TFDP1: variants seen among roughly 807,000 people sequenced by gnomAD.
The protein encoded by TFDP1 is DRTF1-polypeptide 1.
In TFDP1, 6 loss-of-function variants were observed where a neutral mutation model predicts 48.0. That is an observed-to-expected ratio of 0.13 (90% CI 0.07 to 0.25). The LOEUF (loss-of-function observed/expected upper bound fraction) is 0.25, where lower values mean the gene tolerates loss of function less well. Ranked by LOEUF, TFDP1 falls within the 10% of genes least tolerant of loss-of-function variation. The pLI is 1.00. For missense variants in TFDP1, 335 were observed against 543.0 expected, an observed-to-expected ratio of 0.62 and a Z score of 3.81; for synonymous variants, 201 against 211.6, an observed-to-expected ratio of 0.95 and a Z score of 0.44.
rs145721433 is a variant in TFDP1 at position 113,623,058 on chromosome 13, A to G, written c.80-122A>G. On this transcript the variant is annotated intron_variant, in intron 3 of 11. Transcript: ENST00000375370. The surrounding 1 kb of genome is among the most constrained non-coding windows in gnomAD (Gnocchi z 5.2). ...TGCTCTTGAGCCCTGGATTTGAGACAGTACACGTGGGGAAAGCTAAGCATC... is the reference window on the plus strand; with the variant it reads ...TGCTCTTGAGCCCTGGATTTGAGACGGTACACGTGGGGAAAGCTAAGCATC... 1.2e-6 allele frequency: 1 copy of G among 803,834 alleles called. No homozygotes were observed. The highest frequency in any genetic ancestry group is 2.0e-6 in the Non-Finnish European group (1 of 498,208). 49.8% of individuals were successfully genotyped at this position (803,834 alleles called of 1,614,324 possible). A position where few individuals can be genotyped will look rare whatever the true frequency, so the allele number is the denominator to read the frequency against.
At chr13:113,634,371 C>G in intron 7 of TFDP1, 163 bp from the exon 8 acceptor site, 1 of 670,276 alleles carries the variant, frequency 1.5e-6, no homozygotes, top group Non-Finnish European at 2.6e-6. Flanking sequence ...AAAAAACTCA[C>G]CTATATCTTG....
chr13:113,613,034 G>T (rs57607936), intron 3 of TFDP1, among the ~76,000 whole-genome samples: 65,190 of 151,258 alleles, frequency 0.43, 14,799 homozygotes, highest in African/African-American at 0.57. Context: ...TTGTTGTTTT[G>T]GAGATGGAGT....
chr13:113,613,001 C>T (rs962057591), intron 3 of TFDP1, among the ~76,000 whole-genome samples: 2 of 142,124 alleles, frequency 1.4e-5, no homozygotes, highest in African/African-American at 2.8e-5. Context: ...TTGATTCCAC[C>T]GCACAGACGG....
chr13:113,625,568 G>T (rs1377983730), intron 4 of TFDP1, among the ~76,000 whole-genome samples: 4 of 74,308 alleles, frequency 5.4e-5, no homozygotes, highest in African/African-American at 2.0e-4. Context: ...TGTCTCTCAC[G>T]TGTCCTCAGG....
chr13:113,636,279 G>A, intron 9 of TFDP1, 151 bp downstream of exon 9: 3 of 1,168,606 alleles, frequency 2.6e-6, no homozygotes, highest in Non-Finnish European at 2.4e-6. Context: ...GTGGGAGGCT[G>A]CCGCCATGTG....
chr13:113,591,203 G>A (rs976691295), intron 2 of TFDP1, among the ~76,000 whole-genome samples: 3 of 148,586 alleles, frequency 2.0e-5, no homozygotes, highest in Non-Finnish European at 4.5e-5. Flanking sequence ...TTAGCTGGGC[G>A]TGGTGGCGGG....
At chr13:113,617,654 AGCC>A (rs879257199) in intron 3 of TFDP1, among the ~76,000 whole-genome samples, 12,906 of 151,644 alleles carry the variant, frequency 0.085, 672 homozygotes, top group Middle Eastern at 0.21. Flanking sequence ...TCACCTGCAG[AGCC>A]GCTCACCTGC....
At chr13:113,589,738 G>A (rs76965920) in intron 2 of TFDP1, among the ~76,000 whole-genome samples, 1 of 152,218 alleles carries the variant, frequency 6.6e-6, no homozygotes, top group Non-Finnish European at 1.5e-5. Flanking sequence ...CCCTTGTCAC[G>A]AGTCAGTCCA....
chr13:113,624,869 G>T (rs1487288293), intron 4 of TFDP1, among the ~76,000 whole-genome samples: 4 of 143,846 alleles, frequency 2.8e-5, no homozygotes, highest in African/African-American at 1.0e-4. Context: ...GTGTCCTCAG[G>T]TGTTTCTCAG....
intron 7 of TFDP1, 35 bp downstream of exon 7, chr13:113,634,068 C>T: frequency 6.2e-7 from 1 of 1,613,954 alleles, no homozygotes; most frequent in South Asian, 1.1e-5. Flanking sequence ...CTTGATTTCC[C>T]TTCAAGTCCG....
At chr13:113,628,237 G>GAGCCGTGTAGAGACTGTGTCTGA (rs1566670122) in intron 4 of TFDP1, among the ~76,000 whole-genome samples, 5 of 146,482 alleles carry the variant, frequency 3.4e-5, no homozygotes, top group African/African-American at 7.9e-5. Flanking sequence ...AGACTGTCTG[G>GAGCCGTGTAGAGACTGTGTCTGA]AGCCGTGTAG....
At chr13:113,638,460 C>A (rs749380042) in intron 11 of TFDP1, among the ~76,000 whole-genome samples, 2 of 151,974 alleles carry the variant, frequency 1.3e-5, no homozygotes, top group African/African-American at 2.4e-5. Flanking sequence ...GCGGTCTCGG[C>A]GCACGTGCTG....
rs545857818 is a variant in TFDP1 at position 113,619,661 on chromosome 13, T to C, written c.80-3519T>C. Reference sequence around the variant, plus strand: ...CTCAGCCCCTATCTCCAGGCCCTTCTGAAGTGCTGCTCGGGGCCGGACAGG... The same window carrying C: ...CTCAGCCCCTATCTCCAGGCCCTTCCGAAGTGCTGCTCGGGGCCGGACAGG... On this transcript the variant is annotated intron_variant, in intron 3 of 11. Coordinates refer to ENST00000375370, the MANE Select transcript of TFDP1 (RefSeq NM_007111.5). Among the ~76,000 whole-genome samples the C allele has an allele frequency of 2.0e-4, 31 of 152,194 alleles. No individual in the cohort carries two copies. The East Asian group carries it at 5.4e-3, about 27-fold the overall frequency.
chr13:113,611,181 T>A (rs1483494791), intron 3 of TFDP1, 119 bp downstream of exon 3: 1 of 1,011,188 alleles, frequency 9.9e-7, no homozygotes, highest in African/African-American at 1.6e-5. Context: ...CATGGGCACC[T>A]TTGTGCTCCG....
intron 3 of TFDP1, among the ~76,000 whole-genome samples, chr13:113,618,997 G>A (rs1484738690): frequency 6.6e-6 from 1 of 152,140 alleles, no homozygotes; most frequent in African/African-American, 2.4e-5. Context: ...TGCAGGCCCT[G>A]GGAGTTGCAC....
chr13:113,590,729 G>A (rs569878985), intron 2 of TFDP1, among the ~76,000 whole-genome samples: 117 of 152,156 alleles, frequency 7.7e-4, no homozygotes, highest in Non-Finnish European at 1.2e-3. Flanking sequence ...TTATAGGTTG[G>A]GCCGGGCGCA....
At chr13:113,592,849 A>G (rs2048178470) in intron 2 of TFDP1, among the ~76,000 whole-genome samples, 2 of 151,356 alleles carry the variant, frequency 1.3e-5, no homozygotes, top group Admixed American at 1.3e-4. Context: ...GCTGGTCTTC[A>G]GCTGTGCCCA....
intron 3 of TFDP1, among the ~76,000 whole-genome samples, chr13:113,615,005 A>T (rs960028917): frequency 6.6e-6 from 1 of 152,098 alleles, no homozygotes; most frequent in African/African-American, 2.4e-5. Context: ...TGGATAGAGC[A>T]CCGTCAGGTT....
At chr13:113,592,943 G>T (rs2048181209) in intron 2 of TFDP1, among the ~76,000 whole-genome samples, 1 of 151,530 alleles carries the variant, frequency 6.6e-6, no homozygotes, top group African/African-American at 2.4e-5. Context: ...CTGCCCAGGT[G>T]ACAGGCGTGC....
Sources: gnomAD v4.1 joint callset for allele counts (sites outside exome capture counted in the v4.1 genomes callset) on GRCh38, gnomAD v4.1.1 for gene constraint, Gnocchi (gnomAD v3.1) non-coding constraint, MANE v1.5 for transcripts, NCBI Gene and HGNC (gene_info 2026-07-23, HGNC 2026-07-21) for gene names.